Variants in KAZN observed in about 807,000 individuals in gnomAD.
KAZN encodes kazrin, periplakin interacting protein.
Under a neutral mutation model 87.4 loss-of-function variants are expected in KAZN, and 40 were observed. That is an observed-to-expected ratio of 0.46 (90% CI 0.36 to 0.60). KAZN has a LOEUF of 0.60. KAZN is among the 20% of genes least tolerant of loss of function. The probability of loss-of-function intolerance (pLI) is 0.00; values close to 1 mark genes in which losing one functional copy is unlikely to be tolerated. For synonymous variants in KAZN, 466 were observed against 458.3 expected (o/e 1.02, Z -0.22); for missense variants, 898 against 1,073.9 (o/e 0.84, Z 2.29).
intron 1 of KAZN, among the ~76,000 whole-genome samples, chr1:14,946,568 T>G (rs867293513): frequency 3.3e-4 from 50 of 152,092 alleles, no homozygotes; most frequent in African/African-American, 1.2e-3. Context: ...CAATCTGGTT[T>G]AAATTCTTTA....
At position 14,735,063 on chromosome 1, in the gene KAZN, T is replaced by TTTTTGTTTTG. The variant is rs1553121919; in HGVS notation, c.226+135846_226+135855dup. Among the ~76,000 whole-genome samples, 7 of 152,256 alleles carry TTTTTGTTTTG rather than the reference T, an allele frequency of 4.6e-5. No individual in the cohort carries two copies. Among genetic ancestry groups the TTTTTGTTTTG allele is most frequent in the Admixed American group, 1.3e-4 (2 of 15,298 alleles). ...GGATGCTAAATGGTCATGCTGGTTT[T>TTTTTGTTTTG]TTTTGTTTTGTTTTGAGACGGAGTC... is the stretch of plus-strand genomic sequence containing the variant. On this transcript the variant is annotated intron_variant, in intron 1 of 14. Transcript: ENST00000376030. This position sits in a 1 kb window ranked among gnomAD's most constrained non-coding sequence, Gnocchi z 4.3.
chr1:14,418,649 G>C, intron 2 of KAZN, among the ~76,000 whole-genome samples: 1 of 152,130 alleles, frequency 6.6e-6, no homozygotes, highest in East Asian at 1.9e-4. Flanking sequence ...CAGAGGCAAG[G>C]CATTTTTCAG....
intron 1 of KAZN, among the ~76,000 whole-genome samples, chr1:14,137,492 G>A (rs1468995037): frequency 2.0e-5 from 3 of 152,108 alleles, no homozygotes; most frequent in Admixed American, 6.6e-5. Flanking sequence ...GAGCCACACT[G>A]CTTAGGCTCA....
At chr1:13,982,635 T>A (rs1471249456) in intron 1 of KAZN, among the ~76,000 whole-genome samples, 6 of 152,200 alleles carry the variant, frequency 3.9e-5, no homozygotes, top group Non-Finnish European at 7.3e-5. Flanking sequence ...CCGAGTGGTC[T>A]GTTTTGACAG....
chr1:14,074,021 G>A (rs1258132948), intron 1 of KAZN, among the ~76,000 whole-genome samples: 1 of 152,078 alleles, frequency 6.6e-6, no homozygotes, highest in South Asian at 2.1e-4. Flanking sequence ...GGTCCAGTCC[G>A]GCCCTCAGGC....
intron 2 of KAZN, among the ~76,000 whole-genome samples, chr1:15,009,079 C>CT (rs1370704672): frequency 6.6e-6 from 1 of 152,210 alleles, no homozygotes; most frequent in Non-Finnish European, 1.5e-5. Flanking sequence ...CAGCAGCCCC[C>CT]TTCCCTCCAG....
chr1:14,232,877 G>A (rs1195121260), intron 2 of KAZN, among the ~76,000 whole-genome samples: 4 of 152,154 alleles, frequency 2.6e-5, no homozygotes, highest in Non-Finnish European at 5.9e-5. Context: ...CAGCTAACCA[G>A]ATATCACATG....
chr1:14,982,625 C>T (rs1221394934), intron 2 of KAZN, among the ~76,000 whole-genome samples: 1 of 152,042 alleles, frequency 6.6e-6, no homozygotes, highest in African/African-American at 2.4e-5. Flanking sequence ...TGCGGTTTCA[C>T]CATATTGGCT....
intron 1 of KAZN, among the ~76,000 whole-genome samples, chr1:14,166,575 T>A (rs952792004): frequency 2.0e-5 from 3 of 149,178 alleles, no homozygotes; most frequent in Non-Finnish European, 4.4e-5. Flanking sequence ...AAATAAGAGA[T>A]GTTATTGCTG....
chr1:14,811,925 G>T (rs804138), intron 1 of KAZN, among the ~76,000 whole-genome samples: 4 of 152,160 alleles, frequency 2.6e-5, no homozygotes, highest in Non-Finnish European at 5.9e-5. Flanking sequence ...CCTGAGAAGG[G>T]CAAGGTCTTC....
chr1:14,642,632 A>G (rs1334660282), intron 1 of KAZN, among the ~76,000 whole-genome samples: 2 of 152,200 alleles, frequency 1.3e-5, no homozygotes, highest in African/African-American at 4.8e-5. Flanking sequence ...ATGCCACTGT[A>G]GGATAACTAT....
intron 2 of KAZN, among the ~76,000 whole-genome samples, chr1:14,573,061 A>G (rs200718519): frequency 6.6e-6 from 1 of 152,128 alleles, no homozygotes; most frequent in East Asian, 1.9e-4. Context: ...AGCTCTGAGG[A>G]ATGGGGGAGA....
At chr1:14,557,645 T>TGC (rs1673981439) in intron 2 of KAZN, among the ~76,000 whole-genome samples, 1 of 144,206 alleles carries the variant, frequency 6.9e-6, no homozygotes, top group Non-Finnish European at 1.5e-5. Flanking sequence ...TGTGTGTGTG[T>TGC]GTGTGTGTGT....
chr1:13,972,545 T>C (rs979468645), intron 1 of KAZN, among the ~76,000 whole-genome samples: 26 of 152,190 alleles, frequency 1.7e-4, no homozygotes, highest in African/African-American at 6.0e-4. Flanking sequence ...TGATTGGGTC[T>C]GTATTATTTC....
intron 2 of KAZN, among the ~76,000 whole-genome samples, chr1:14,325,897 T>C (rs1656375150): frequency 6.6e-6 from 1 of 152,166 alleles, no homozygotes; most frequent in African/African-American, 2.4e-5. Context: ...CTCCATATCC[T>C]TTGCCGATTT....
At chr1:14,578,845 C>T (rs965883571) in intron 2 of KAZN, among the ~76,000 whole-genome samples, 2 of 152,056 alleles carry the variant, frequency 1.3e-5, no homozygotes, top group African/African-American at 4.8e-5. Flanking sequence ...GTTTTATAGC[C>T]ATTAATTTAC....
At position 14,937,668 on chromosome 1, in the gene KAZN, G is replaced by A. The variant is rs915029033; in HGVS notation, c.227-23016G>A. Among the ~76,000 whole-genome samples, 9 of 152,336 alleles carry A rather than the reference G, an allele frequency of 5.9e-5. 1 individual carries two copies. Among genetic ancestry groups the A allele is most frequent in the East Asian group, 5.8e-4 (3 of 5,174 alleles). On this transcript the variant is annotated intron_variant, in intron 1 of 14. Transcript: ENST00000376030. ...AAGCACTTGCTGTCACGTCCCCTTCGCCAGTTTCCTGGCACATCCCTGATA... is the reference window on the plus strand; with the variant it reads ...AAGCACTTGCTGTCACGTCCCCTTCACCAGTTTCCTGGCACATCCCTGATA...
At chr1:15,028,017 C>T (rs1671341649) in intron 2 of KAZN, among the ~76,000 whole-genome samples, 1 of 152,176 alleles carries the variant, frequency 6.6e-6, no homozygotes, top group Admixed American at 6.5e-5. Context: ...TAGTTTGTCT[C>T]CACTGGGCAT....
rs530850086 is a variant in KAZN, at chr1:14,858,582, C to T, written c.227-102102C>T. On this transcript the variant is annotated intron_variant, in intron 1 of 14. Coordinates refer to ENST00000376030, the MANE Select transcript of KAZN (RefSeq NM_201628.3). ...TGGGTCGTTTCCACCTTTTGGCTGTCGTGAATAATGCAGCTGGGAACATTC... is the reference window on the plus strand; with the variant it reads ...TGGGTCGTTTCCACCTTTTGGCTGTTGTGAATAATGCAGCTGGGAACATTC... 5.9e-5 allele frequency among the ~76,000 whole-genome samples: 9 copies of T among 152,244 alleles called. No homozygotes were observed. In the South Asian group the frequency reaches 6.2e-4, roughly 11 times the overall value.
Sources: gnomAD v4.1 joint callset for allele counts (sites outside exome capture counted in the v4.1 genomes callset) on GRCh38, gnomAD v4.1.1 for gene constraint, Gnocchi (gnomAD v3.1) non-coding constraint, MANE v1.5 for transcripts, NCBI Gene and HGNC (gene_info 2026-07-23, HGNC 2026-07-21) for gene names.